The following BICRAL variants were observed in gnomAD, a reference collection of about 807,000 sequenced individuals.
BICRAL encodes BRD4-interacting chromatin-remodeling complex-associated protein-like.
BICRAL carries 8 observed loss-of-function variants against 91.8 expected under a neutral mutation model. The observed-to-expected ratio is 0.09, with a 90% CI of 0.05 to 0.16. BICRAL has a LOEUF of 0.16. BICRAL is among the 10% of genes least tolerant of loss of function. BICRAL has a pLI of 1.00. For missense variants in BICRAL, 1,038 were observed against 1,310.9 expected (o/e 0.79, Z 3.21); for synonymous variants, 445 against 491.1 (o/e 0.91, Z 1.24).
At chr6:42,845,571 G>A (rs1764981367) in intron 6 of BICRAL, among the ~76,000 whole-genome samples, 1 of 152,020 alleles carries the variant, frequency 6.6e-6, no homozygotes, top group South Asian at 2.1e-4. Flanking sequence ...CAGGTTCTCT[G>A]CTGCTCTCTG....
At chr6:42,844,783 G>T (rs1002842169) in intron 6 of BICRAL, among the ~76,000 whole-genome samples, 12 of 152,108 alleles carry the variant, frequency 7.9e-5, no homozygotes, top group Non-Finnish European at 1.6e-4. Context: ...CTATGAGGAT[G>T]TGTGGGATTA....
intron 1 of BICRAL, among the ~76,000 whole-genome samples, chr6:42,798,466 G>A (rs574518130): frequency 1.3e-5 from 2 of 152,274 alleles, no homozygotes; most frequent in Admixed American, 1.3e-4. Flanking sequence ...GTAGCCCAAG[G>A]CAGGCAGATC....
chr6:42,771,194 A>G (rs1762718609), intron 1 of BICRAL, among the ~76,000 whole-genome samples: 1 of 152,220 alleles, frequency 6.6e-6, no homozygotes, highest in Non-Finnish European at 1.5e-5. Flanking sequence ...TGAGCGGTGT[A>G]CAGGGTTGGC....
At chr6:42,860,452 G>A (rs1164786917) in intron 11 of BICRAL, 96 bp downstream of exon 11, 9 of 711,526 alleles carry the variant, frequency 1.3e-5, no homozygotes, top group Non-Finnish European at 1.9e-5. Context: ...AGAATATAAT[G>A]TAAAAGTAAC....
chr6:42,796,491 C>T (rs1763416225), intron 1 of BICRAL, among the ~76,000 whole-genome samples: 1 of 152,060 alleles, frequency 6.6e-6, no homozygotes, highest in Non-Finnish European at 1.5e-5. Flanking sequence ...CAGTCGAGCA[C>T]ATAAAAGAAT....
chr6:42,813,049 A>G (rs1333827059), intron 2 of BICRAL, among the ~76,000 whole-genome samples: 3 of 152,210 alleles, frequency 2.0e-5, no homozygotes, highest in African/African-American at 7.2e-5. Context: ...AAATTAGTAA[A>G]TTAAATTAAA....
intron 1 of BICRAL, among the ~76,000 whole-genome samples, chr6:42,807,969 G>A (rs1487814547): frequency 6.6e-6 from 1 of 152,026 alleles, no homozygotes; most frequent in Non-Finnish European, 1.5e-5. Context: ...CTTTTAATTA[G>A]GCAAGGTCTT....
At chr6:42,798,935 TA>T (rs61049799) in intron 1 of BICRAL, among the ~76,000 whole-genome samples, 18,180 of 77,830 alleles carry the variant, frequency 0.23, 2,175 homozygotes, top group African/African-American at 0.49. Flanking sequence ...AAATTTGTAT[TA>T]TTTTTTATTG....
At chr6:42,754,221 G>A (rs1245820179) in intron 1 of BICRAL, among the ~76,000 whole-genome samples, 5 of 151,792 alleles carry the variant, frequency 3.3e-5, no homozygotes, top group Non-Finnish European at 5.9e-5. Context: ...GCCCAGGCTG[G>A]AGTGTAGTGG....
chr6:42,800,236 T>C (rs1296610555), intron 1 of BICRAL, among the ~76,000 whole-genome samples: 2 of 152,130 alleles, frequency 1.3e-5, no homozygotes, highest in Non-Finnish European at 2.9e-5. Context: ...AGCTAATTTT[T>C]GTATTTTTAG....
rs1562490931 is a variant in BICRAL at position 42,845,195 on chromosome 6, G to GGTTTTTTTTTTTTTTTT, written c.1840-6897_1840-6896insGTTTTTTTTTTTTTTTT. Among the ~76,000 whole-genome samples the GGTTTTTTTTTTTTTTTT allele has an allele frequency of 3.1e-4, 8 of 25,612 alleles. 2 individuals carry two copies. Among genetic ancestry groups the GGTTTTTTTTTTTTTTTT allele is most frequent in the East Asian group, 1.2e-3 (1 of 832 alleles). 16.8% of individuals were successfully genotyped at this position (25,612 alleles called of 152,430 possible). A position where few individuals can be genotyped will look rare whatever the true frequency, so the allele number is the denominator to read the frequency against. On this transcript the variant is annotated intron_variant, in intron 6 of 12. Transcript: ENST00000314073. ...CTTCTCTGTTTTTTGTTTTTTGGGT[G>GGTTTTTTTTTTTTTTTT]TTTTTTTTTTTTTTTTTTTTTTTTT...
At chr6:42,785,124 A>G (rs941053658) in intron 1 of BICRAL, among the ~76,000 whole-genome samples, 3 of 152,162 alleles carry the variant, frequency 2.0e-5, no homozygotes, top group African/African-American at 7.2e-5. Flanking sequence ...TCAGAGAAAA[A>G]GGTTTAGGTA....
At chr6:42,847,720 C>G (rs768096882) in intron 6 of BICRAL, among the ~76,000 whole-genome samples, 1 of 152,096 alleles carries the variant, frequency 6.6e-6, no homozygotes, top group African/African-American at 2.4e-5. Context: ...GTCAGGAGTT[C>G]GAGACCATCC....
At chr6:42,764,494 GTGAGCCA>G (rs1762604733) in intron 1 of BICRAL, among the ~76,000 whole-genome samples, 1 of 151,610 alleles carries the variant, frequency 6.6e-6, no homozygotes, top group African/African-American at 2.4e-5. Flanking sequence ...TGAGGCTGCA[GTGAGCCA>G]TGATTGCACC....
At chr6:42,789,522 A>G (rs1052780468) in intron 1 of BICRAL, among the ~76,000 whole-genome samples, 2 of 151,936 alleles carry the variant, frequency 1.3e-5, no homozygotes, top group Non-Finnish European at 2.9e-5. Context: ...CACACCTGTA[A>G]TCCCAGCTAC....
At chr6:42,827,914 G>A (rs934337750) in intron 5 of BICRAL, among the ~76,000 whole-genome samples, 13 of 151,870 alleles carry the variant, frequency 8.6e-5, no homozygotes, top group African/African-American at 3.1e-4. Flanking sequence ...AAAGTCTGTG[G>A]CAGTATCTCA....
chr6:42,848,473 ATT>A (rs917997562), intron 6 of BICRAL, among the ~76,000 whole-genome samples: 2 of 152,224 alleles, frequency 1.3e-5, no homozygotes, highest in Non-Finnish European at 2.9e-5. Flanking sequence ...TTAGATTATT[ATT>A]TTTGTTTTCT....
At chr6:42,798,881 A>G (rs746448440) in intron 1 of BICRAL, among the ~76,000 whole-genome samples, 2 of 152,246 alleles carry the variant, frequency 1.3e-5, no homozygotes, top group Admixed American at 1.3e-4. Flanking sequence ...AATATCTAAT[A>G]CAATGTAAAT....
chr6:42,779,838 C>T (rs1257759403), upstream of BICRAL, among the ~76,000 whole-genome samples: 1 of 152,130 alleles, frequency 6.6e-6, no homozygotes, highest in Non-Finnish European at 1.5e-5. Flanking sequence ...CCAAGCTGCT[C>T]TTGAACTCCT....
Sources: gnomAD v4.1 joint callset for allele counts (sites outside exome capture counted in the v4.1 genomes callset) on GRCh38, gnomAD v4.1.1 for gene constraint, MANE v1.5 for transcripts, NCBI Gene and HGNC (gene_info 2026-07-23, HGNC 2026-07-21) for gene names.